The following ADAMTSL5 variants were observed in gnomAD, a reference collection of about 807,000 sequenced individuals.
ADAMTSL5 encodes ADAMTS-like protein 5.
In ADAMTSL5, 53 loss-of-function variants were observed where a neutral mutation model predicts 51.7. That is an observed-to-expected ratio of 1.03 (90% CI 0.82 to 1.29). ADAMTSL5 has a LOEUF of 1.29. ADAMTSL5 is among the 50% of genes most tolerant of loss of function. The pLI is 0.00. For missense variants in ADAMTSL5, 770 were observed against 676.2 expected, an observed-to-expected ratio of 1.14 and a Z score of -1.54; for synonymous variants, 285 against 278.7, an observed-to-expected ratio of 1.02 and a Z score of -0.23.
At chr19:1,508,696 T>C (rs1913099510) in intron 5 of ADAMTSL5, 126 bp from the exon 6 acceptor site, 5 of 1,342,502 alleles carry the variant, frequency 3.7e-6, no homozygotes, top group Middle Eastern at 3.8e-4. Flanking sequence ...AAGCCACACA[T>C]CGAGGCTGAG....
Position 1,506,623 on chromosome 19 carries a change from G to A in ADAMTSL5, c.1081C>T (p.His361Tyr), listed in dbSNP as rs1286745969. ...PPCPDTRGRA[H>Y]RLLHYCGSDF... Reference sequence around the variant, plus strand: ...CTGCCGCAATAGTGGAGTAGTCGGTGGGCGCGGCCGCGGGTGTCAGGGCAG... The same window carrying A: ...CTGCCGCAATAGTGGAGTAGTCGGTAGGCGCGGCCGCGGGTGTCAGGGCAG... Residue 361 changes from histidine (H) to tyrosine (Y), a missense_variant, in exon 11 of 12, where the codon CAC (histidine) becomes TAC (tyrosine). By Grantham distance (83) the His-to-Tyr change is moderately conservative (BLOSUM62 2). Coordinates refer to ENST00000330475, the MANE Select transcript of ADAMTSL5 (RefSeq NM_213604.3). The surrounding 1 kb of genome is among the most constrained non-coding windows in gnomAD (Gnocchi z 5.6). The A allele has an allele frequency of 6.2e-7, 1 of 1,612,156 alleles. No individual in the cohort carries two copies. The highest frequency in any genetic ancestry group is 1.7e-5 in the Admixed American group (1 of 59,756).
rs910359286 is a variant in ADAMTSL5, at chr19:1,507,957, C to T, written c.601+41G>A. On this transcript the variant is annotated intron_variant, in intron 7 of 11. Coordinates refer to ENST00000330475, the MANE Select transcript of ADAMTSL5 (RefSeq NM_213604.3). ...CCGGGCCACGGCTCGTTAAAGGGCCCACTCTGACGTGTGTGCAGGGAGGGC... is the reference window on the plus strand; with the variant it reads ...CCGGGCCACGGCTCGTTAAAGGGCCTACTCTGACGTGTGTGCAGGGAGGGC... 6 of 1,541,020 alleles carry T rather than the reference C, an allele frequency of 3.9e-6. No individual in the cohort carries two copies. In the African/African-American group the frequency reaches 5.5e-5, roughly 14 times the overall value.
intron 6 of ADAMTSL5, 107 bp downstream of exon 6, chr19:1,508,336 A>AG: frequency 1.2e-6 from 1 of 801,350 alleles, no homozygotes; most frequent in South Asian, 2.5e-5. Context: ...GGTGGAGCCT[A>AG]GGGAGGGGGT....
Position 1,511,040 on chromosome 19 carries a change from C to CGTCTCT in ADAMTSL5, c.-103_-98dup. On this transcript the variant is annotated 5_prime_UTR_variant, in exon 2 of 12. Transcript: ENST00000330475. ...CTAAACCTCTCTGAGCCCTACCTCT[C>CGTCTCT]GTCTCTGAAAAACGGGGTAATAGAG... 1 of 974,204 alleles carries CGTCTCT rather than the reference C, an allele frequency of 1.0e-6. No individual in the cohort carries two copies. The highest frequency in any genetic ancestry group is 1.4e-6 in the Non-Finnish European group (1 of 731,134). The allele number at this position is 974,204 out of a possible 1,614,324, so 60.3% of individuals were successfully genotyped here. A position where few individuals can be genotyped will look rare whatever the true frequency, so the allele number is the denominator to read the frequency against.
At chr19:1,508,153 G>A (rs1035233019) in intron 6 of ADAMTSL5, 44 bp from the exon 7 acceptor site, 2 of 1,530,190 alleles carry the variant, frequency 1.3e-6, no homozygotes, top group African/African-American at 2.1e-5. Flanking sequence ...CGCTGGGAGG[G>A]GCAGGACCTG....
rs752917009 is a variant in ADAMTSL5 at position 1,506,210 on chromosome 19, CTCGCGTGCCCGCAGTGGCG to C, written c.1202_1220del (p.Ser401CysfsTer21). The C allele has an allele frequency of 6.2e-7, 1 of 1,605,310 alleles. No homozygotes were observed. The highest frequency in any genetic ancestry group is 8.5e-7 in the Non-Finnish European group (1 of 1,174,798). ...GGCAGTGGCCTGGCGCCCACACGTACTCGCGTGCCCGCAGTGGCGAGCGGTTCTTGTAGACGAGCTGGAT... is the reference window on the plus strand; with the variant it reads ...GGCAGTGGCCTGGCGCCCACACGTACAGCGGTTCTTGTAGACGAGCTGGAT... On this transcript the variant is annotated frameshift_variant, in exon 12 of 12. Coordinates refer to ENST00000330475, the MANE Select transcript of ADAMTSL5 (RefSeq NM_213604.3). LOFTEE classifies it high-confidence loss of function. This position sits in a 1 kb window ranked among gnomAD's most constrained non-coding sequence, Gnocchi z 5.6.
Position 1,506,301 on chromosome 19 carries a change from A to T in ADAMTSL5, c.1130T>A (p.Val377Glu). 6.5e-7 allele frequency: 1 copy of T among 1,547,718 alleles called. No individual in the cohort carries two copies. Among genetic ancestry groups the T allele is most frequent in the Non-Finnish European group, 8.7e-7 (1 of 1,144,560 alleles). ...CTGGGCCTGGTGGTGGTGGCCCAGC[A>T]CTCGGGCCTGGAACACTGTTGAGGG... The part of the protein sequence containing the change: ...CGSDFVFQAR[V>E]LGHHHQAQET... Residue 377 changes from valine to glutamate, a missense_variant, in exon 12 of 12, where the codon GTG becomes GAG. Physicochemically the swap from Val to Glu is moderately radical, Grantham distance 121. Coordinates refer to ENST00000330475, the MANE Select transcript of ADAMTSL5 (RefSeq NM_213604.3). This position sits in a 1 kb window ranked among gnomAD's most constrained non-coding sequence, Gnocchi z 5.6.
At chr19:1,507,756 CG>C in intron 7 of ADAMTSL5, 113 bp from the exon 8 acceptor site, 1 of 1,152,224 alleles carries the variant, frequency 8.7e-7, no homozygotes, top group Non-Finnish European at 1.3e-6. Flanking sequence ...TCCTGGGAAC[CG>C]GAAAACCCTC....
chr19:1,510,468 C>A, intron 3 of ADAMTSL5, 40 bp from the exon 4 acceptor site: 1 of 1,569,612 alleles, frequency 6.4e-7, no homozygotes, highest in South Asian at 1.2e-5. Context: ...CCCAGGGACC[C>A]CCTCCCAGGG....
At position 1,505,267 on chromosome 19, in the gene ADAMTSL5, C is replaced by T. The variant is rs1912858263; in HGVS notation, c.*748G>A. The T allele has an allele frequency of 6.6e-6, 1 of 151,706 alleles. No homozygotes were observed. The highest frequency in any genetic ancestry group is 6.6e-5 in the Admixed American group (1 of 15,154). 9.4% of individuals were successfully genotyped at this position (151,706 alleles called of 1,614,324 possible). On this transcript the variant is annotated 3_prime_UTR_variant, in exon 12 of 12. Transcript: ENST00000330475. Reference sequence around the variant, plus strand: ...CCTGGAGTTCCAGCTGCTGTGGAGGCTGAGGTGGGAGGATCGCTTGAGCCC... The same window carrying T: ...CCTGGAGTTCCAGCTGCTGTGGAGGTTGAGGTGGGAGGATCGCTTGAGCCC...
In ADAMTSL5 at chr19:1,510,678, C is replaced by T; in HGVS notation, c.152G>A (p.Cys51Tyr). The T allele has an allele frequency of 4.5e-6, 7 of 1,542,514 alleles. No individual in the cohort carries two copies. The highest frequency in any genetic ancestry group is 1.4e-5 in the African/African-American group (1 of 72,402). Residue 51 changes from cysteine to tyrosine, a missense_variant, in exon 3 of 12, where the codon TGC (cysteine) becomes TAC (tyrosine). Coordinates refer to ENST00000330475, the MANE Select transcript of ADAMTSL5 (RefSeq NM_213604.3). ...WVSWTRCSSS[C>Y]GRGVSVRSRR... ...GCTGCGCACAGAGACGCCACGCCCG[C>T]AGGAGCTGGAGCAGCGGGTCCAGGA...
At chr19:1,512,636 G>C (rs190482052) in intron 1 of ADAMTSL5, among the ~76,000 whole-genome samples, 1 of 151,898 alleles carries the variant, frequency 6.6e-6, no homozygotes, top group African/African-American at 2.4e-5. Flanking sequence ...GCCGAGATGG[G>C]GCCAATGCAC....
Position 1,510,170 on chromosome 19 carries a change from TGGTA to T in ADAMTSL5, c.337_340del (p.Tyr113SerfsTer96). On this transcript the variant is annotated frameshift_variant, in exon 5 of 12. Coordinates refer to ENST00000330475, the MANE Select transcript of ADAMTSL5 (RefSeq NM_213604.3). LOFTEE classifies it high-confidence loss of function. ...CTCACCCCCATGGAAGGGCACCCACTGGTAGGTCTTCTGGGTGCCCAGGACAGGG... is the reference window on the plus strand; with the variant it reads ...CTCACCCCCATGGAAGGGCACCCACTGGTCTTCTGGGTGCCCAGGACAGGG... 1 of 1,612,258 alleles carries T rather than the reference TGGTA, an allele frequency of 6.2e-7. No individual in the cohort carries two copies. Among genetic ancestry groups the T allele is most frequent in the South Asian group, 1.1e-5 (1 of 90,622 alleles).
In ADAMTSL5 at chr19:1,506,702, C is replaced by T; in HGVS notation, c.1042+37G>A. 6.5e-7 allele frequency: 1 copy of T among 1,547,766 alleles called. No individual in the cohort carries two copies. The highest frequency in any genetic ancestry group is 1.2e-5 in the South Asian group (1 of 83,746). On this transcript the variant is annotated intron_variant, in intron 10 of 11. Coordinates refer to ENST00000330475, the MANE Select transcript of ADAMTSL5 (RefSeq NM_213604.3). The surrounding 1 kb of genome is among the most constrained non-coding windows in gnomAD (Gnocchi z 5.6). ...TGCTGTGAGGGGCACAGGCCTCAGT[C>T]CCCACTCATCCCCCACCCTGGCTGT... is the stretch of plus-strand genomic sequence containing the variant.
chr19:1,510,443 A>G lies in ADAMTSL5; in HGVS notation c.192-15T>C, dbSNP rs1380403102. On this transcript the variant is annotated splice_polypyrimidine_tract_variant and intron_variant, in intron 3 of 11. Coordinates refer to ENST00000330475, the MANE Select transcript of ADAMTSL5 (RefSeq NM_213604.3). Reference sequence around the variant, plus strand: ...CCCCAGGAAGCCTGAAGGGAGACAGAGTGTGGCGAGAACCCCCAGGGACCC... The same window carrying G: ...CCCCAGGAAGCCTGAAGGGAGACAGGGTGTGGCGAGAACCCCCAGGGACCC... 1 of 1,603,712 alleles carries G rather than the reference A, an allele frequency of 6.2e-7. No individual in the cohort carries two copies. The highest frequency in any genetic ancestry group is 2.2e-5 in the East Asian group (1 of 44,574).
Position 1,507,410 on chromosome 19 carries a change from A to C in ADAMTSL5, c.689-5T>G. 3.2e-6 allele frequency: 5 copies of C among 1,580,776 alleles called. No homozygotes were observed. The highest frequency in any genetic ancestry group is 4.3e-6 in the Non-Finnish European group (5 of 1,162,110). On this transcript the variant is annotated splice_polypyrimidine_tract_variant and splice_region_variant and intron_variant, in intron 8 of 11. Transcript: ENST00000330475. ...GCCCATCGCCCCCCATCAGTGCTGC[A>C]AGGGAACAGTCAGCCCTCAGGAACC... is the stretch of plus-strand genomic sequence containing the variant.
At position 1,508,600 on chromosome 19, in the gene ADAMTSL5, G is replaced by T. The variant is rs774642581; in HGVS notation, c.362-30C>A. 4 of 1,493,128 alleles carry T rather than the reference G, an allele frequency of 2.7e-6. No individual in the cohort carries two copies. The African/African-American group carries it at 4.2e-5, about 16-fold the overall frequency. 92.5% of individuals were successfully genotyped at this position (1,493,128 alleles called of 1,614,324 possible). On this transcript the variant is annotated intron_variant, in intron 5 of 11. Coordinates refer to ENST00000330475, the MANE Select transcript of ADAMTSL5 (RefSeq NM_213604.3). Reference sequence around the variant, plus strand: ...GGGCAGGAGGAGTCGGTGGGCCGGGGACCCCTGTTCGAGCTCCAGTCCCCC... The same window carrying T: ...GGGCAGGAGGAGTCGGTGGGCCGGGTACCCCTGTTCGAGCTCCAGTCCCCC...
rs753802865 is a variant in ADAMTSL5, at chr19:1,508,098, A to G, written c.501T>C (p.Cys167=). Reference sequence around the variant, plus strand: ...GGGCACCCGAGCCCAACAACCCATCACAGCCGGCGCTCTAAAGGGTGAAGG... The same window carrying G: ...GGGCACCCGAGCCCAACAACCCATCGCAGCCGGCGCTCTAAAGGGTGAAGG... ...CVAGRCLSAG[C]DGLLGSGALE... Residue 167 remains cysteine, a synonymous_variant, in exon 7 of 12, where the codon TGT becomes TGC. Coordinates refer to ENST00000330475, the MANE Select transcript of ADAMTSL5 (RefSeq NM_213604.3). 1 of 1,609,272 alleles carries G rather than the reference A, an allele frequency of 6.2e-7. No homozygotes were observed. Among genetic ancestry groups the G allele is most frequent in the South Asian group, 1.1e-5 (1 of 90,544 alleles).
At chr19:1,511,714 G>T in intron 1 of ADAMTSL5, 1 of 613,220 alleles carries the variant, frequency 1.6e-6, no homozygotes, top group Non-Finnish European at 2.7e-6. Context: ...CTCAGTCCAT[G>T]ATTCTGTGAC....
Sources: gnomAD v4.1 joint callset for allele counts (sites outside exome capture counted in the v4.1 genomes callset) on GRCh38, gnomAD v4.1.1 for gene constraint, Gnocchi (gnomAD v3.1) non-coding constraint, MANE v1.5 for transcripts, NCBI Gene and HGNC (gene_info 2026-07-23, HGNC 2026-07-21) for gene names.